The following DLGAP4 variants were observed in gnomAD, a reference collection of about 807,000 sequenced individuals.
DLGAP4 encodes DLG associated protein 4.
Under a neutral mutation model 86.9 loss-of-function variants are expected in DLGAP4, and 18 were observed. That is an observed-to-expected ratio of 0.21 (90% CI 0.14 to 0.31). DLGAP4 has a LOEUF of 0.31. Among genes scored for constraint, DLGAP4 ranks in the 10% least tolerant of loss-of-function variants. The pLI is 1.00. For missense variants in DLGAP4, 1,085 were observed against 1,362.6 expected (o/e 0.80, Z 3.21); for synonymous variants, 548 against 574.3 (o/e 0.95, Z 0.65).
intron 1 of DLGAP4, among the ~76,000 whole-genome samples, chr20:36,347,185 C>A (rs8118163): frequency 1.3e-5 from 2 of 152,200 alleles, no homozygotes; most frequent in Non-Finnish European, 2.9e-5. Context: ...GATGGTCCAT[C>A]ATCAGCAACC....
intron 4 of DLGAP4, among the ~76,000 whole-genome samples, chr20:36,439,416 C>T (rs2033380703): frequency 6.6e-6 from 1 of 152,106 alleles, no homozygotes; most frequent in Non-Finnish European, 1.5e-5. Context: ...GGGCTGGGGC[C>T]GTGGAGATAA....
In DLGAP4 at chr20:36,386,247, G is replaced by T. The variant is rs548407798; in HGVS notation, c.-73+18972G>T. On this transcript the variant is annotated intron_variant, in intron 2 of 12. Coordinates refer to ENST00000339266, the MANE Select transcript of DLGAP4 (RefSeq NM_001365621.2). ...GCTTAGTGTGGGGCCAGGGTCAGGG[G>T]TCATTCTGGGGCTCAAATCATAGGG... Among the ~76,000 whole-genome samples the T allele has an allele frequency of 3.3e-5, 5 of 152,274 alleles. No homozygotes were observed. The East Asian group carries it at 9.7e-4, about 29-fold the overall frequency.
At chr20:36,464,477 G>T (rs1325461017) in intron 7 of DLGAP4, among the ~76,000 whole-genome samples, 1 of 151,616 alleles carries the variant, frequency 6.6e-6, no homozygotes, top group Non-Finnish European at 1.5e-5. Flanking sequence ...CAGGAGGACA[G>T]CTTGAATCCA....
chr20:36,431,191 G>C lies in DLGAP4; in HGVS notation c.-72-455G>C, dbSNP rs2033120987. Among the ~76,000 whole-genome samples the C allele has an allele frequency of 6.6e-6, 1 of 152,036 alleles. No homozygotes were observed. Among genetic ancestry groups the C allele is most frequent in the South Asian group, 2.1e-4 (1 of 4,812 alleles). Reference sequence around the variant, plus strand: ...GGACCCTGCCACAGGGACCATCCTGGGGTTCCGGGATGACTGTTTGGGGGC... The same window carrying C: ...GGACCCTGCCACAGGGACCATCCTGCGGTTCCGGGATGACTGTTTGGGGGC... On this transcript the variant is annotated intron_variant, in intron 2 of 12. Transcript: ENST00000339266. The surrounding 1 kb of genome is among the most constrained non-coding windows in gnomAD (Gnocchi z 5.1).
intron 2 of DLGAP4, among the ~76,000 whole-genome samples, chr20:36,383,314 A>G (rs1406490074): frequency 6.6e-6 from 1 of 152,234 alleles, no homozygotes; most frequent in African/African-American, 2.4e-5. Flanking sequence ...CAAGGAGCCA[A>G]TAAAAGACGG....
Position 36,432,544 on chromosome 20 carries a change from C to A in DLGAP4, c.827C>A (p.Thr276Asn). The A allele has an allele frequency of 6.2e-7, 1 of 1,606,016 alleles. No individual in the cohort carries two copies. Among genetic ancestry groups the A allele is most frequent in the Non-Finnish European group, 8.5e-7 (1 of 1,176,786 alleles). ...CCACCCCCGCCCGCACCCCCAGCCA[C>A]CTGCCCCAGCCTTGGGGTGGGCACT... ...APPPPPAPPA[T>N]CPSLGVGTDT... The change falls in exon 3 of 13, where the codon ACC becomes AAC. Residue 276 changes from threonine (T) to asparagine (N), a missense_variant. Coordinates refer to ENST00000339266, the MANE Select transcript of DLGAP4 (RefSeq NM_001365621.2). The surrounding 1 kb of genome is among the most constrained non-coding windows in gnomAD (Gnocchi z 6.5).
chr20:36,487,435 T>C (rs2035465272), intron 7 of DLGAP4, among the ~76,000 whole-genome samples: 1 of 152,206 alleles, frequency 6.6e-6, no homozygotes, highest in Admixed American at 6.5e-5. Flanking sequence ...GGTGCCTCTG[T>C]TCCCATTGCT....
At chr20:36,319,949 C>A (rs2147343363) in intron 1 of DLGAP4, among the ~76,000 whole-genome samples, 1 of 151,892 alleles carries the variant, frequency 6.6e-6, no homozygotes, top group East Asian at 1.9e-4. Context: ...AAGGCCCCCT[C>A]CCCCGGGCCT....
In DLGAP4 at chr20:36,528,260, C is replaced by G. The variant is rs1323706779; in HGVS notation, c.*1229C>G. On this transcript the variant is annotated 3_prime_UTR_variant, in exon 13 of 13. Coordinates refer to ENST00000339266, the MANE Select transcript of DLGAP4 (RefSeq NM_001365621.2). Reference sequence around the variant, plus strand: ...CAATTATCCTTCTCTCTCTCCTGCCCCCGCATCCCACTCCCAGGGTGTCAC... The same window carrying G: ...CAATTATCCTTCTCTCTCTCCTGCCGCCGCATCCCACTCCCAGGGTGTCAC... The G allele has an allele frequency of 6.6e-6, 1 of 152,626 alleles. No homozygotes were observed. The highest frequency in any genetic ancestry group is 1.5e-5 in the Non-Finnish European group (1 of 68,142). The allele number at this position is 152,626 out of a possible 1,614,324, so 9.5% of individuals were successfully genotyped here.
chr20:36,488,394 A>C (rs1038012443), intron 7 of DLGAP4, among the ~76,000 whole-genome samples: 3 of 151,922 alleles, frequency 2.0e-5, no homozygotes, highest in Non-Finnish European at 2.9e-5. Context: ...GGTTTTGAGG[A>C]TTCAGTCAGC....
At chr20:36,370,231 G>C (rs1805787320) in intron 2 of DLGAP4, among the ~76,000 whole-genome samples, 1 of 152,114 alleles carries the variant, frequency 6.6e-6, no homozygotes, top group Admixed American at 6.6e-5. Flanking sequence ...TGGGTGCAAT[G>C]GCTCATACCT....
At chr20:36,517,381 C>T (rs1421625524) in intron 10 of DLGAP4, among the ~76,000 whole-genome samples, 1 of 152,084 alleles carries the variant, frequency 6.6e-6, no homozygotes, top group Non-Finnish European at 1.5e-5. Context: ...ATTCTCCTGC[C>T]TCAACCTCCC....
At chr20:36,317,668 G>A (rs1029289965) in intron 1 of DLGAP4, among the ~76,000 whole-genome samples, 145 of 151,410 alleles carry the variant, frequency 9.6e-4, no homozygotes, top group South Asian at 2.1e-4. Context: ...TGTTGCCCAG[G>A]CTGGTCTTGA....
intron 10 of DLGAP4, among the ~76,000 whole-genome samples, chr20:36,513,600 T>C (rs2036861787): frequency 6.8e-6 from 1 of 146,556 alleles, no homozygotes; most frequent in Admixed American, 6.8e-5. Flanking sequence ...GGCTTCTCTA[T>C]CCAAATGAGA....
intron 1 of DLGAP4, among the ~76,000 whole-genome samples, chr20:36,318,106 TCACACACACACA>T (rs1156543199): frequency 0.066 from 9,175 of 139,028 alleles, 334 homozygotes; most frequent in Middle Eastern, 0.088. Flanking sequence ...ATGTGTCCTC[TCACACACACACA>T]CACACACACA....
chr20:36,337,450 C>T (rs371714318), intron 1 of DLGAP4, among the ~76,000 whole-genome samples: 30 of 152,030 alleles, frequency 2.0e-4, no homozygotes, highest in African/African-American at 6.0e-4. Context: ...CTGGGGAAGG[C>T]GGGAAGGGAG....
In DLGAP4 at chr20:36,478,707, T is replaced by G. The variant is rs2035053127; in HGVS notation, c.1649-17998T>G. Among the ~76,000 whole-genome samples the G allele has an allele frequency of 3.3e-5, 5 of 152,194 alleles. No individual in the cohort carries two copies. In the South Asian group the frequency reaches 8.3e-4, roughly 25 times the overall value. On this transcript the variant is annotated intron_variant, in intron 7 of 12. Coordinates refer to ENST00000339266, the MANE Select transcript of DLGAP4 (RefSeq NM_001365621.2). ...AGCAAGCTTGTATTTTTACTACTTGTGAGGCTGGATCCTGTGAAGGTTGCA... is the reference window on the plus strand; with the variant it reads ...AGCAAGCTTGTATTTTTACTACTTGGGAGGCTGGATCCTGTGAAGGTTGCA...
chr20:36,358,542 C>A (rs1177446431), intron 1 of DLGAP4, among the ~76,000 whole-genome samples: 1 of 152,230 alleles, frequency 6.6e-6, no homozygotes, highest in Non-Finnish European at 1.5e-5. Flanking sequence ...CGCAGTGGCT[C>A]ACGCCTATAA....
intron 2 of DLGAP4, among the ~76,000 whole-genome samples, chr20:36,414,734 G>T (rs999753722): frequency 6.6e-6 from 1 of 152,222 alleles, no homozygotes; most frequent in Admixed American, 6.5e-5. Flanking sequence ...CAGAGGCCCT[G>T]TTCCTGTCCC....
Sources: gnomAD v4.1 joint callset for allele counts (sites outside exome capture counted in the v4.1 genomes callset) on GRCh38, gnomAD v4.1.1 for gene constraint, Gnocchi (gnomAD v3.1) non-coding constraint, MANE v1.5 for transcripts, NCBI Gene and HGNC (gene_info 2026-07-23, HGNC 2026-07-21) for gene names.